TENM2: variants seen among roughly 807,000 people sequenced by gnomAD.
TENM2 encodes teneurin transmembrane protein 2, also known as teneurin-2.
A neutral mutation model predicts 245.2 loss-of-function variants in TENM2; 52 were observed. That is an observed-to-expected ratio of 0.21 (90% CI 0.17 to 0.27). TENM2 has a LOEUF of 0.27. TENM2 is among the 10% of genes least tolerant of loss of function. TENM2 has a pLI of 1.00. For synonymous variants in TENM2, 1,363 were observed against 1,438.9 expected (o/e 0.95, Z 1.19); for missense variants, 3,046 against 3,666.8 (o/e 0.83, Z 4.37).
the TENM2 span, among the ~76,000 whole-genome samples, chr5:166,985,784 G>A: frequency 6.6e-6 from 1 of 152,016 alleles, no homozygotes; most frequent in African/African-American, 2.4e-5. Context: ...ACAAGGGGGT[G>A]AAAAAGGATC....
intron 2 of TENM2, among the ~76,000 whole-genome samples, chr5:167,640,058 A>G (rs1779454604): frequency 6.6e-6 from 1 of 152,184 alleles, no homozygotes; most frequent in African/African-American, 2.4e-5. Context: ...TGCACTGGTC[A>G]TCCTGCTGCC....
intron 2 of TENM2, among the ~76,000 whole-genome samples, chr5:167,816,607 G>GA (rs1767077367): frequency 6.6e-6 from 1 of 152,066 alleles, no homozygotes. Context: ...TGCCGCCAGT[G>GA]AGACACAACT....
intron 2 of TENM2, among the ~76,000 whole-genome samples, chr5:167,670,742 T>C (rs1755884734): frequency 6.6e-6 from 1 of 152,176 alleles, no homozygotes. Flanking sequence ...TAGATTTTCC[T>C]ATGTCAGTGC....
At chr5:167,662,787 A>G (rs1350699753) in intron 2 of TENM2, among the ~76,000 whole-genome samples, 1 of 152,144 alleles carries the variant, frequency 6.6e-6, no homozygotes, top group Non-Finnish European at 1.5e-5. Flanking sequence ...AGTGTGGTCT[A>G]TGGACGAACA....
chr5:167,716,568 C>T (rs570988669), intron 2 of TENM2, among the ~76,000 whole-genome samples: 2 of 152,294 alleles, frequency 1.3e-5, no homozygotes, highest in African/African-American at 4.8e-5. Flanking sequence ...TCAAGAAGCA[C>T]AGAGCTTTGC....
intron 2 of TENM2, among the ~76,000 whole-genome samples, chr5:167,703,784 C>A (rs867561496): frequency 3.9e-5 from 6 of 152,198 alleles, no homozygotes; most frequent in African/African-American, 1.4e-4. Context: ...CAACTTAGGT[C>A]TTTTCGTGTG....
intron 24 of TENM2, among the ~76,000 whole-genome samples, chr5:168,227,082 C>G (rs1042329651): frequency 6.6e-6 from 1 of 152,172 alleles, no homozygotes; most frequent in African/African-American, 2.4e-5. Context: ...CACACTTGCT[C>G]ACTGCCCCAA....
chr5:167,039,290 C>T, the TENM2 span, among the ~76,000 whole-genome samples: 2 of 152,058 alleles, frequency 1.3e-5, no homozygotes, highest in East Asian at 1.9e-4. Context: ...CTGGCACAGA[C>T]CCCCGCACTG....
intron 2 of TENM2, among the ~76,000 whole-genome samples, chr5:167,825,980 T>G (rs1767941463): frequency 6.6e-6 from 1 of 152,100 alleles, no homozygotes; most frequent in Non-Finnish European, 1.5e-5. Context: ...GTTTGTTCAT[T>G]TTTCAGCACT....
At chr5:167,484,079 G>A (rs1385663441) in intron 2 of TENM2, among the ~76,000 whole-genome samples, 1 of 152,176 alleles carries the variant, frequency 6.6e-6, no homozygotes, top group Non-Finnish European at 1.5e-5. Flanking sequence ...GGGCGTGGTG[G>A]CTCACGCCTG....
At chr5:167,039,386 G>A in the TENM2 span, among the ~76,000 whole-genome samples, 1 of 152,176 alleles carries the variant, frequency 6.6e-6, no homozygotes, top group African/African-American at 2.4e-5. Context: ...AACGTTTCTA[G>A]GTATTGATAG....
chr5:167,930,380 T>G lies in TENM2; in HGVS notation c.713-22208T>G, dbSNP rs188569713. Among the ~76,000 whole-genome samples, 635 of 152,310 alleles carry G rather than the reference T, an allele frequency of 4.2e-3. 4 individuals carry two copies. The highest frequency in any genetic ancestry group is 6.9e-3 in the Non-Finnish European group (467 of 68,022). ...TGAAGAATCAATGAAGAATCGTTTTTAAAAAGGCATTTTTAGTGTCTGTTA... is the reference window on the plus strand; with the variant it reads ...TGAAGAATCAATGAAGAATCGTTTTGAAAAAGGCATTTTTAGTGTCTGTTA... On this transcript the variant is annotated intron_variant, in intron 3 of 28. Coordinates refer to ENST00000518659, the Ensembl canonical transcript of TENM2.
intron 2 of TENM2, among the ~76,000 whole-genome samples, chr5:167,483,651 A>T (rs946187479): frequency 2.0e-5 from 3 of 152,230 alleles, no homozygotes; most frequent in African/African-American, 7.2e-5. Flanking sequence ...AAACAAGCTA[A>T]TGAGTACATT....
chr5:168,225,939 T>A lies in TENM2; in HGVS notation c.5109-149T>A. ...GCTGTTTCTCCGGGCATAATAGGGTTTTGACTGTGACGAGGGGCCTCAGTG... is the reference window on the plus strand; with the variant it reads ...GCTGTTTCTCCGGGCATAATAGGGTATTGACTGTGACGAGGGGCCTCAGTG... On this transcript the variant is annotated intron_variant, in intron 23 of 28. Transcript: ENST00000518659. 3 of 627,388 alleles carry A rather than the reference T, an allele frequency of 4.8e-6. No homozygotes were observed. The South Asian group carries it at 6.5e-5, about 14-fold the overall frequency. 38.9% of individuals were successfully genotyped at this position (627,388 alleles called of 1,614,324 possible). A position where few individuals can be genotyped will look rare whatever the true frequency, so the allele number is the denominator to read the frequency against.
At chr5:167,759,520 A>G (rs1025244345) in intron 2 of TENM2, among the ~76,000 whole-genome samples, 5 of 152,186 alleles carry the variant, frequency 3.3e-5, no homozygotes, top group African/African-American at 1.2e-4. Context: ...GTTCCCAGGA[A>G]CACTGAAGAG....
chr5:167,996,211 A>G (rs1171432775), intron 5 of TENM2, among the ~76,000 whole-genome samples: 3 of 152,152 alleles, frequency 2.0e-5, no homozygotes, highest in Non-Finnish European at 4.4e-5. Flanking sequence ...GTGTAAAAGC[A>G]GAATGCCAGC....
chr5:167,901,188 TTC>T (rs1775677232), intron 3 of TENM2, among the ~76,000 whole-genome samples: 1 of 147,318 alleles, frequency 6.8e-6, no homozygotes, highest in Non-Finnish European at 1.5e-5. Flanking sequence ...CTCTTTCTCT[TTC>T]TTTCTCTTTC....
intron 3 of TENM2, among the ~76,000 whole-genome samples, chr5:167,914,765 T>G (rs2151599878): frequency 6.6e-6 from 1 of 152,154 alleles, no homozygotes; most frequent in South Asian, 2.1e-4. Context: ...TTGCCAGAGA[T>G]TTTTGGTGTT....
At chr5:167,046,746 G>T in the TENM2 span, among the ~76,000 whole-genome samples, 1 of 151,462 alleles carries the variant, frequency 6.6e-6, no homozygotes, top group South Asian at 2.1e-4. Flanking sequence ...ATCCAGGTTC[G>T]TTACATAGGT....
Sources: gnomAD v4.1 joint callset for allele counts (sites outside exome capture counted in the v4.1 genomes callset) on GRCh38, gnomAD v4.1.1 for gene constraint, MANE v1.5 for transcripts, NCBI Gene and HGNC (gene_info 2026-07-23, HGNC 2026-07-21) for gene names.